The following HDX variants were observed in gnomAD, a reference collection of about 807,000 sequenced individuals.
HDX encodes chromosome X open reading frame 43.
A neutral mutation model predicts 45.2 loss-of-function variants in HDX; 19 were observed. The observed-to-expected ratio is 0.42, with a 90% CI of 0.29 to 0.62. The LOEUF (loss-of-function observed/expected upper bound fraction) is 0.62, where lower values mean the gene tolerates loss of function less well. Among genes scored for constraint, HDX ranks in the 20% least tolerant of loss-of-function variants. The pLI is 0.20. For missense variants in HDX, 532 were observed against 493.9 expected (o/e 1.08, Z -0.73); for synonymous variants, 188 against 172.8 (o/e 1.09, Z -0.69).
chrX:84,412,182 C>A (rs1411296688), intron 5 of HDX, among the ~76,000 whole-genome samples: 9 of 111,473 alleles, frequency 8.1e-5, no homozygotes, highest in African/African-American at 2.9e-4. Context: ...TAGATATGTG[C>A]AGATTAGATC....
intron 1 of HDX, among the ~76,000 whole-genome samples, chrX:84,489,848 A>T (rs1186029156): frequency 1.8e-5 from 2 of 111,709 alleles, no homozygotes; most frequent in Admixed American, 9.5e-5. Context: ...GTCCTAAAAA[A>T]CTTTTGTGTA....
At chrX:84,481,141 TTTA>T (rs1391229728) in intron 2 of HDX, among the ~76,000 whole-genome samples, 1 of 111,405 alleles carries the variant, frequency 9.0e-6, no homozygotes, top group Non-Finnish European at 1.9e-5. Flanking sequence ...TAGTTCATTG[TTTA>T]TTATTATTAT....
At chrX:84,466,327 T>C (rs1393862822) in intron 4 of HDX, among the ~76,000 whole-genome samples, 1 of 111,690 alleles carries the variant, frequency 9.0e-6, no homozygotes, top group Non-Finnish European at 1.9e-5. Context: ...AAGATTCCTG[T>C]GAAGTAGGAA....
At chrX:84,371,270 C>A (rs1019750523) in intron 5 of HDX, among the ~76,000 whole-genome samples, 8 of 111,685 alleles carry the variant, frequency 7.2e-5, no homozygotes, top group Non-Finnish European at 1.3e-4. Context: ...TTAAAATGGG[C>A]ATAATTCTAC....
At chrX:84,329,161 A>G (rs2036787089) in intron 9 of HDX, among the ~76,000 whole-genome samples, 1 of 111,958 alleles carries the variant, frequency 8.9e-6, no homozygotes, top group African/African-American at 3.2e-5. Context: ...AGTGTTTCTT[A>G]TCAGACTTAA....
chrX:84,405,041 GAAAAAAGC>G (rs2038787576), intron 5 of HDX, among the ~76,000 whole-genome samples: 1 of 110,596 alleles, frequency 9.0e-6, no homozygotes, highest in African/African-American at 3.3e-5. Context: ...AATATGAACG[GAAAAAAGC>G]AAATTCAGTT....
chrX:84,476,925 C>T (rs949430139), intron 2 of HDX, among the ~76,000 whole-genome samples: 1 of 111,931 alleles, frequency 8.9e-6, no homozygotes, highest in African/African-American at 3.3e-5. Flanking sequence ...CTCCCTGAAA[C>T]ATCTGAAGCA....
At chrX:84,376,367 A>C (rs1051857192) in intron 5 of HDX, among the ~76,000 whole-genome samples, 1 of 111,597 alleles carries the variant, frequency 9.0e-6, no homozygotes, top group African/African-American at 3.3e-5. Flanking sequence ...GAAAAAATAA[A>C]GGGAAATTTG....
intron 5 of HDX, among the ~76,000 whole-genome samples, chrX:84,363,368 C>T (rs1055668421): frequency 1.8e-5 from 2 of 111,833 alleles, no homozygotes; most frequent in Non-Finnish European, 3.8e-5. Context: ...TAAATATTCC[C>T]ATTATTTTCC....
chrX:84,333,996 AGT>A (rs2036900620), intron 8 of HDX, among the ~76,000 whole-genome samples, 154 bp from the exon 9 acceptor site: 2 of 111,114 alleles, frequency 1.8e-5, no homozygotes, highest in Admixed American at 9.6e-5. Context: ...TGTTACATAT[AGT>A]GTGTGTCTGA....
At chrX:84,471,413 T>C (rs2040454571) in intron 3 of HDX, among the ~76,000 whole-genome samples, 1 of 107,475 alleles carries the variant, frequency 9.3e-6, no homozygotes, top group Non-Finnish European at 1.9e-5. Context: ...GATCTATCGA[T>C]ATAGAGTATT....
intron 5 of HDX, among the ~76,000 whole-genome samples, chrX:84,381,869 T>C (rs1366438994): frequency 9.0e-6 from 1 of 110,533 alleles, no homozygotes; most frequent in African/African-American, 3.3e-5. Context: ...CATGTCAAGC[T>C]AAAAATCTTC....
At chrX:84,368,950 G>A (rs746844972) in intron 5 of HDX, among the ~76,000 whole-genome samples, 2 of 110,638 alleles carry the variant, frequency 1.8e-5, no homozygotes, top group Non-Finnish European at 3.8e-5. Context: ...ATTGAGTGCC[G>A]CCACTGATCT....
Position 84,475,246 on chromosome X carries a change from CT to C in HDX, c.147+4del. 1 of 1,194,435 alleles carries C rather than the reference CT, an allele frequency of 8.4e-7. No individual in the cohort carries two copies. Reference sequence around the variant, plus strand: ...TAAATTTGAGTGTAAGACCTCAATACTTACCCTGACTACACTGAAGTCCAGC... The same window carrying C: ...TAAATTTGAGTGTAAGACCTCAATACTACCCTGACTACACTGAAGTCCAGC... On this transcript the variant is annotated splice_donor_region_variant and intron_variant, in intron 3 of 10. Transcript: ENST00000373177.
chrX:84,443,526 A>T (rs960592766), intron 4 of HDX, among the ~76,000 whole-genome samples: 4 of 111,877 alleles, frequency 3.6e-5, no homozygotes, highest in African/African-American at 1.3e-4. Flanking sequence ...CATTACAATG[A>T]TGTTGACATT....
At chrX:84,476,544 CAAAAAAAA>C (rs376973856) in intron 2 of HDX, among the ~76,000 whole-genome samples, 1 of 38,063 alleles carries the variant, frequency 2.6e-5, no homozygotes, top group Non-Finnish European at 4.9e-5. Flanking sequence ...AACTCTGTCT[CAAAAAAAA>C]AAAAAAAAAA....
intron 5 of HDX, among the ~76,000 whole-genome samples, chrX:84,402,029 A>T (rs1381917174): frequency 9.0e-6 from 1 of 111,130 alleles, no homozygotes; most frequent in African/African-American, 3.3e-5. Flanking sequence ...AACAACACAC[A>T]CTGGGGCCAG....
chrX:84,378,100 GAC>G (rs747707972), intron 5 of HDX, among the ~76,000 whole-genome samples: 3 of 111,808 alleles, frequency 2.7e-5, no homozygotes, highest in Non-Finnish European at 5.6e-5. Flanking sequence ...ATAGTGGCAT[GAC>G]ACATTTAAAG....
intron 1 of HDX, among the ~76,000 whole-genome samples, chrX:84,501,705 C>A: frequency 8.9e-6 from 1 of 111,963 alleles, no homozygotes; most frequent in Non-Finnish European, 1.9e-5. Context: ...CTCAGTAGGC[C>A]AGTTTAAACT....
Sources: allele counts gnomAD v4.1 joint callset (sites outside exome capture counted in the v4.1 genomes callset), GRCh38; gene constraint gnomAD v4.1.1; transcripts MANE v1.5; gene names NCBI Gene and HGNC (gene_info 2026-07-23, HGNC 2026-07-21).